NPFFR1: variants seen among roughly 807,000 people sequenced by gnomAD.
NPFFR1 encodes the protein G-protein coupled receptor 147.
In NPFFR1, 17 loss-of-function variants were observed where a neutral mutation model predicts 12.7. That is an observed-to-expected ratio of 1.34 (90% confidence interval 0.92 to 2.01). The LOEUF is 2.01. Among genes scored for constraint, NPFFR1 ranks in the 30% most tolerant of loss-of-function variants. The pLI is 0.00. For missense variants in NPFFR1, 604 were observed against 606.5 expected, an observed-to-expected ratio of 1.00 and a Z score of 0.04; for synonymous variants, 296 against 264.5, an observed-to-expected ratio of 1.12 and a Z score of -1.16.
rs144629873 is a variant in NPFFR1 at position 70,269,966 on chromosome 10, G to A, written c.8-3575C>T. 1.4e-4 allele frequency among the ~76,000 whole-genome samples: 21 copies of A among 152,206 alleles called. No individual in the cohort carries two copies. In the South Asian group the frequency reaches 2.5e-3, roughly 18 times the overall value. ...TCTTCCAACCCCAGGGCCTTTGCTCGTCCCTTCCTTTAGCTCTCAGCATAA... is the reference window on the plus strand; with the variant it reads ...TCTTCCAACCCCAGGGCCTTTGCTCATCCCTTCCTTTAGCTCTCAGCATAA... On this transcript the variant is annotated intron_variant, in intron 1 of 3. Coordinates refer to ENST00000277942, the MANE Select transcript of NPFFR1 (RefSeq NM_022146.5).
Position 70,255,503 on chromosome 10 carries a change from C to A in NPFFR1, c.747G>T (p.Pro249=). ...CCGCAGCCTCCTCGCCCCCGGGGGC[C>A]GGGCCCGGGGCCTGGCAGAGCTTGC... is the stretch of plus-strand genomic sequence containing the variant. ...IARKLCQAPG[P]APGGEEAADP... The change falls in exon 4 of 4, where the codon CCG becomes CCT. Residue 249 remains proline, a synonymous_variant. Coordinates refer to ENST00000277942, the MANE Select transcript of NPFFR1 (RefSeq NM_022146.5). The surrounding 1 kb of genome is among the most constrained non-coding windows in gnomAD (Gnocchi z 4.2). The A allele has an allele frequency of 6.5e-7, 1 of 1,547,728 alleles. No individual in the cohort carries two copies. Among genetic ancestry groups the A allele is most frequent in the East Asian group, 2.5e-5 (1 of 40,788 alleles).
Position 70,255,752 on chromosome 10 carries a change from C to G in NPFFR1, c.498G>C (p.Trp166Cys), listed in dbSNP as rs778496118. Residue 166 changes from tryptophan to cysteine, a missense_variant, in exon 4 of 4, where the codon TGG becomes TGC. Physicochemically the swap from Trp to Cys is radical, Grantham distance 215. Transcript: ENST00000277942. This position sits in a 1 kb window ranked among gnomAD's most constrained non-coding sequence, Gnocchi z 4.2. ...RKALVTIAVI[W>C]ALALLIMCPS... ...GACACATGATGAGCAGCGCCAGGGC[C>G]CAGATGACGGCGATGGTGACGAGCG... 3.7e-6 allele frequency: 6 copies of G among 1,611,672 alleles called. No individual in the cohort carries two copies. The East Asian group carries it at 1.1e-4, about 30-fold the overall frequency.
chr10:70,254,930 G>A lies in NPFFR1; in HGVS notation c.*27C>T, dbSNP rs1041848622. On this transcript the variant is annotated 3_prime_UTR_variant, in exon 4 of 4. Transcript: ENST00000277942. ...TCTCGTGTCCAATCGGGGCCCTGAG[G>A]CAGCGTCCCGCCCTCCCTGGACCCC... The A allele has an allele frequency of 7.2e-7, 1 of 1,395,500 alleles. No homozygotes were observed. The highest frequency in any genetic ancestry group is 9.3e-7 in the Non-Finnish European group (1 of 1,081,016). The allele number at this position is 1,395,500 out of a possible 1,614,324, so 86.4% of individuals were successfully genotyped here.
chr10:70,275,581 T>C lies in NPFFR1; in HGVS notation c.7+8089A>G, dbSNP rs1358358869. ...TTTCACGTCCTGCTTCAGCTAAGTG[T>C]AGAGATTTTTTTTTTCTTTTAGTTA... On this transcript the variant is annotated intron_variant, in intron 1 of 3. Coordinates refer to ENST00000277942, the MANE Select transcript of NPFFR1 (RefSeq NM_022146.5). Among the ~76,000 whole-genome samples the C allele has an allele frequency of 3.4e-5, 5 of 148,328 alleles. No individual in the cohort carries two copies. In the Admixed American group the frequency reaches 3.4e-4, roughly 10 times the overall value.
chr10:70,257,612 A>C (rs1003533858), intron 3 of NPFFR1, among the ~76,000 whole-genome samples: 3 of 152,242 alleles, frequency 2.0e-5, no homozygotes, highest in Non-Finnish European at 4.4e-5. Flanking sequence ...GATGAGAAAG[A>C]CCTGACCGTC....
chr10:70,253,546 G>C lies in NPFFR1; in HGVS notation c.*1411C>G, dbSNP rs931342632. The C allele has an allele frequency of 6.6e-6, 1 of 152,206 alleles. No individual in the cohort carries two copies. Among genetic ancestry groups the C allele is most frequent in the Non-Finnish European group, 1.5e-5 (1 of 68,044 alleles). 9.4% of individuals were successfully genotyped at this position (152,206 alleles called of 1,614,324 possible). A position where few individuals can be genotyped will look rare whatever the true frequency, so the allele number is the denominator to read the frequency against. ...TAAATGAGACGGTGTCTGGGGACAT[G>C]CTTGGAGAATGTATTGTACAACTGC... On this transcript the variant is annotated 3_prime_UTR_variant, in exon 4 of 4. Transcript: ENST00000277942.
At chr10:70,267,906 G>T (rs1001561122) in intron 1 of NPFFR1, among the ~76,000 whole-genome samples, 1 of 152,156 alleles carries the variant, frequency 6.6e-6, no homozygotes, top group Non-Finnish European at 1.5e-5. Flanking sequence ...GGCGGGAGGC[G>T]GACAACCTGC....
chr10:70,257,846 T>G (rs1225736045), intron 3 of NPFFR1, among the ~76,000 whole-genome samples: 1 of 152,228 alleles, frequency 6.6e-6, no homozygotes, highest in Non-Finnish European at 1.5e-5. Context: ...CTTGTTATTC[T>G]TTACTCCACT....
At chr10:70,267,706 G>T (rs768618788) in intron 1 of NPFFR1, among the ~76,000 whole-genome samples, 19 of 152,222 alleles carry the variant, frequency 1.2e-4, no homozygotes, top group African/African-American at 4.6e-4. Flanking sequence ...TATTCCAGGG[G>T]ATGAAGAGTC....
In NPFFR1 at chr10:70,247,604, G is replaced by C. The variant is rs1001703241; in HGVS notation, c.*7353C>G. On this transcript the variant is annotated 3_prime_UTR_variant, in exon 4 of 4. Transcript: ENST00000277942. ...CCGAAAGGAAGACAGGGTGGTGATGGGGGGAGAGTGATTACTCCTCAAACA... is the reference window on the plus strand; with the variant it reads ...CCGAAAGGAAGACAGGGTGGTGATGCGGGGAGAGTGATTACTCCTCAAACA... 6.6e-6 allele frequency: 1 copy of C among 152,170 alleles called. No homozygotes were observed. Among genetic ancestry groups the C allele is most frequent in the Non-Finnish European group, 1.5e-5 (1 of 68,040 alleles). The allele number at this position is 152,170 out of a possible 1,614,324, so 9.4% of individuals were successfully genotyped here.
rs1840543001 is a variant in NPFFR1, at chr10:70,254,674, GA to G, written c.*282del. 2.7e-6 allele frequency: 1 copy of G among 363,760 alleles called. No homozygotes were observed. Among genetic ancestry groups the G allele is most frequent in the East Asian group, 4.1e-5 (1 of 24,346 alleles). 22.5% of individuals were successfully genotyped at this position (363,760 alleles called of 1,614,324 possible). ...GCCTCAGTTTTTGCATCTGTAGAAG[GA>G]AGAGAAGACAACCTATCTCCAAAGC... On this transcript the variant is annotated 3_prime_UTR_variant, in exon 4 of 4. Coordinates refer to ENST00000277942, the MANE Select transcript of NPFFR1 (RefSeq NM_022146.5).
At position 70,253,499 on chromosome 10, in the gene NPFFR1, C is replaced by T. The variant is rs2136788920; in HGVS notation, c.*1458G>A. 1 of 152,262 alleles carries T rather than the reference C, an allele frequency of 6.6e-6. No individual in the cohort carries two copies. The highest frequency in any genetic ancestry group is 2.1e-4 in the South Asian group (1 of 4,816). 9.4% of individuals were successfully genotyped at this position (152,262 alleles called of 1,614,324 possible). On this transcript the variant is annotated 3_prime_UTR_variant, in exon 4 of 4. Transcript: ENST00000277942. ...TGAAATGACAATAACATTCAATCTC[C>T]TTCAACCTCATTACTATGGATTAAA...
Position 70,250,333 on chromosome 10 carries a change from T to A in NPFFR1, c.*4624A>T, listed in dbSNP as rs1392966508. On this transcript the variant is annotated 3_prime_UTR_variant, in exon 4 of 4. Coordinates refer to ENST00000277942, the MANE Select transcript of NPFFR1 (RefSeq NM_022146.5). ...CGACTTTGGAAAGCACTTTGGCAGT[T>A]TCTTATACAGTTAAATTTTACACAG... is the stretch of plus-strand genomic sequence containing the variant. 1 of 152,174 alleles carries A rather than the reference T, an allele frequency of 6.6e-6. No individual in the cohort carries two copies. Among genetic ancestry groups the A allele is most frequent in the Non-Finnish European group, 1.5e-5 (1 of 68,026 alleles). 9.4% of individuals were successfully genotyped at this position (152,174 alleles called of 1,614,324 possible). A position where few individuals can be genotyped will look rare whatever the true frequency, so the allele number is the denominator to read the frequency against.
At chr10:70,270,958 C>T (rs1018734088) in intron 1 of NPFFR1, among the ~76,000 whole-genome samples, 4 of 152,156 alleles carry the variant, frequency 2.6e-5, no homozygotes, top group African/African-American at 9.7e-5. Flanking sequence ...TCAGCATCAC[C>T]TGGAACTCAT....
intron 1 of NPFFR1, among the ~76,000 whole-genome samples, chr10:70,271,797 T>G (rs1368747059): frequency 1.3e-5 from 2 of 151,998 alleles, no homozygotes; most frequent in Non-Finnish European, 2.9e-5. Context: ...TTTTTTATAA[T>G]ACAAACTGAA....
chr10:70,266,486 AC>A lies in NPFFR1; in HGVS notation c.8-96del, dbSNP rs1840693048. The A allele has an allele frequency of 4.0e-6, 4 of 1,002,022 alleles. No individual in the cohort carries two copies. The South Asian group carries it at 6.7e-5, about 17-fold the overall frequency. 62.1% of individuals were successfully genotyped at this position (1,002,022 alleles called of 1,614,324 possible). A position where few individuals can be genotyped will look rare whatever the true frequency, so the allele number is the denominator to read the frequency against. ...GAGACCCTCTGTGTGCCAAACCTTA[AC>A]CATGCCCTGGTCCCCCAAGCATGTC... On this transcript the variant is annotated intron_variant, in intron 1 of 3. Transcript: ENST00000277942.
chr10:70,264,530 ACT>A (rs199641599), intron 2 of NPFFR1, among the ~76,000 whole-genome samples: 2 of 150,804 alleles, frequency 1.3e-5, no homozygotes, highest in African/African-American at 4.9e-5. Flanking sequence ...ATAGTGAGAA[ACT>A]CTTTTATTTA....
intron 1 of NPFFR1, among the ~76,000 whole-genome samples, chr10:70,276,584 CTTTT>C (rs57759018): frequency 5.1e-5 from 6 of 117,320 alleles, no homozygotes; most frequent in East Asian, 2.6e-4. Context: ...ATGTTTGTAT[CTTTT>C]TTTTTTTTTT....
At position 70,283,997 on chromosome 10, in the gene NPFFR1, G is replaced by C. The variant is rs796285554; in HGVS notation, c.-321C>G. 1.3e-5 allele frequency among the ~76,000 whole-genome samples: 2 copies of C among 152,198 alleles called. No individual in the cohort carries two copies. Among genetic ancestry groups the C allele is most frequent in the East Asian group, 1.9e-4 (1 of 5,170 alleles). ...GTGAGGCGCAGTCGTCATGGCACCC[G>C]CGCACCTGTGCCCGCCGAGCGAGGG... On this transcript the variant is annotated 5_prime_UTR_variant, in exon 1 of 4. Transcript: ENST00000277942.
Sources: gnomAD v4.1 joint callset for allele counts (sites outside exome capture counted in the v4.1 genomes callset) on GRCh38, gnomAD v4.1.1 for gene constraint, Gnocchi (gnomAD v3.1) non-coding constraint, MANE v1.5 for transcripts, NCBI Gene and HGNC (gene_info 2026-07-23, HGNC 2026-07-21) for gene names.